The following KALRN variants were observed in gnomAD, a reference collection of about 807,000 sequenced individuals.
The protein encoded by KALRN is kalirin.
In KALRN, 70 loss-of-function variants were observed where a neutral mutation model predicts 353.7. The observed-to-expected ratio is 0.20, with a 90% CI of 0.16 to 0.24. The LOEUF is 0.24. Among genes scored for constraint, KALRN ranks in the 10% least tolerant of loss-of-function variants. The pLI is 1.00. For missense variants in KALRN, 2,791 were observed against 3,756.7 expected (o/e 0.74, Z 6.72); for synonymous variants, 1,391 against 1,434.8 (o/e 0.97, Z 0.69).
intron 11 of KALRN, among the ~76,000 whole-genome samples, chr3:124,394,209 T>C (rs2089868678): frequency 6.6e-6 from 1 of 152,216 alleles, no homozygotes; most frequent in South Asian, 2.1e-4. Context: ...CATCTATCAA[T>C]TTTCTCTCTC....
chr3:124,148,463 T>C (rs949505126), intron 1 of KALRN, among the ~76,000 whole-genome samples: 1 of 152,208 alleles, frequency 6.6e-6, no homozygotes, highest in Admixed American at 6.5e-5. Flanking sequence ...CCCCTTCTCT[T>C]AGTGTTTCTG....
In KALRN at chr3:124,632,421, T is replaced by C; in HGVS notation, c.5184T>C (p.Asp1728=). ...GCTGTGTCTGTCCGTTTTCCTCAGATGCATACTCTCATTCCTCAAGCGAGA... is the reference window on the plus strand; with the variant it reads ...GCTGTGTCTGTCCGTTTTCCTCAGACGCATACTCTCATTCCTCAAGCGAGA... The part of the protein sequence containing the change: ...EMDCFFPLVK[D]AYSHSSSENG... Residue 1728 remains aspartate, a splice_region_variant and synonymous_variant, in exon 35 of 60, where the codon GAT becomes GAC. Coordinates refer to ENST00000682506, the MANE Select transcript of KALRN (RefSeq NM_001388419.1). 6.2e-7 allele frequency: 1 copy of C among 1,613,874 alleles called. No homozygotes were observed. Among genetic ancestry groups the C allele is most frequent in the Non-Finnish European group, 8.5e-7 (1 of 1,179,838 alleles).
intron 1 of KALRN, among the ~76,000 whole-genome samples, chr3:124,133,584 A>G (rs764298886): frequency 6.6e-6 from 1 of 152,242 alleles, no homozygotes; most frequent in Non-Finnish European, 1.5e-5. Flanking sequence ...CTGTGATTGC[A>G]GACCCACTCC....
At chr3:124,150,572 CG>C in intron 1 of KALRN, among the ~76,000 whole-genome samples, 1 of 152,086 alleles carries the variant, frequency 6.6e-6, no homozygotes, top group East Asian at 1.9e-4. Context: ...AGAGAATAAT[CG>C]GGATAATTAG....
At chr3:124,462,281 A>G (rs1158477293) in intron 24 of KALRN, among the ~76,000 whole-genome samples, 1 of 152,212 alleles carries the variant, frequency 6.6e-6, no homozygotes, top group Non-Finnish European at 1.5e-5. Context: ...ACCCCCATAA[A>G]AGTCCACACA....
chr3:124,071,777 T>A (rs908338984), intron 1 of KALRN, among the ~76,000 whole-genome samples: 1 of 152,146 alleles, frequency 6.6e-6, no homozygotes, highest in Admixed American at 6.5e-5. Flanking sequence ...AGTTTCAACA[T>A]CTAAATTTTG....
chr3:124,495,602 A>T (rs1057000490), intron 32 of KALRN, among the ~76,000 whole-genome samples: 82 of 151,614 alleles, frequency 5.4e-4, no homozygotes, highest in African/African-American at 1.9e-3. Flanking sequence ...GCTGGGCATG[A>T]TGGCAGGCAC....
chr3:124,498,875 G>C (rs1206338729), intron 33 of KALRN, among the ~76,000 whole-genome samples: 1 of 151,818 alleles, frequency 6.6e-6, no homozygotes, highest in Non-Finnish European at 1.5e-5. Context: ...AGCAGTGTCA[G>C]ATTTTCCCCT....
At chr3:124,258,738 A>G (rs926164274) in intron 3 of KALRN, among the ~76,000 whole-genome samples, 9 of 152,334 alleles carry the variant, frequency 5.9e-5, no homozygotes, top group East Asian at 1.9e-4. Flanking sequence ...CTTCCAGACC[A>G]TATATCAAAT....
chr3:124,124,921 A>G (rs2064460342), intron 1 of KALRN, among the ~76,000 whole-genome samples: 1 of 152,184 alleles, frequency 6.6e-6, no homozygotes, highest in Admixed American at 6.5e-5. Context: ...GACTCACTTT[A>G]TTGTGGTGGT....
rs2092846718 is a variant in KALRN, at chr3:124,422,936, G to T, written c.2667G>T (p.Glu889Asp). 3 of 1,613,696 alleles carry T rather than the reference G, an allele frequency of 1.9e-6. No individual in the cohort carries two copies. Among genetic ancestry groups the T allele is most frequent in the Non-Finnish European group, 2.5e-6 (3 of 1,179,778 alleles). ...CAGAGCAGACTCATAAGCGGCTAGA[G>T]CAGTGCCTCCAATTACGTCACCTCC... ...LNAEQTHKRL[E>D]QCLQLRHLQA... The change falls in exon 15 of 60, where the codon GAG becomes GAT. Residue 889 changes from glutamate to aspartate, a missense_variant. This residue lies in a region of KALRN where 452 missense variants were observed against 575.8 expected (regional missense o/e 0.78). Coordinates refer to ENST00000682506, the MANE Select transcript of KALRN (RefSeq NM_001388419.1).
intron 34 of KALRN, among the ~76,000 whole-genome samples, chr3:124,610,581 T>C (rs187954088): frequency 6.6e-6 from 1 of 152,058 alleles, no homozygotes; most frequent in East Asian, 1.9e-4. Context: ...GGGCTCTGGA[T>C]TGGTGGGTTT....
chr3:124,122,354 G>A (rs1046656244), intron 1 of KALRN, among the ~76,000 whole-genome samples: 1 of 152,000 alleles, frequency 6.6e-6, no homozygotes, highest in Non-Finnish European at 1.5e-5. Context: ...TTCTTGGTGG[G>A]CATTTTTATA....
intron 6 of KALRN, among the ~76,000 whole-genome samples, chr3:124,311,092 T>TTTTTTTTTA: frequency 7.7e-6 from 1 of 129,324 alleles, no homozygotes; most frequent in African/African-American, 2.9e-5. Flanking sequence ...TTTTTTTTTT[T>TTTTTTTTTA]GAGATGGAGT....
intron 34 of KALRN, among the ~76,000 whole-genome samples, chr3:124,606,061 C>T (rs976126815): frequency 6.6e-6 from 1 of 152,154 alleles, no homozygotes; most frequent in African/African-American, 2.4e-5. Flanking sequence ...CTGATTTATC[C>T]CCATCATGAA....
intron 1 of KALRN, among the ~76,000 whole-genome samples, chr3:124,200,563 G>A (rs577406315): frequency 7.9e-5 from 12 of 152,106 alleles, no homozygotes; most frequent in Non-Finnish European, 1.5e-4. Context: ...ATACCATCAC[G>A]TCGTACTTAG....
At position 124,472,129 on chromosome 3, in the gene KALRN, G is replaced by A. The variant is rs79192139; in HGVS notation, c.4032-2534G>A. 6.6e-3 allele frequency among the ~76,000 whole-genome samples: 1,007 copies of A among 152,208 alleles called. 12 individuals are homozygous for A. Among genetic ancestry groups the A allele is most frequent in the African/African-American group, 0.022 (910 of 41,510 alleles). On this transcript the variant is annotated intron_variant, in intron 25 of 59. Coordinates refer to ENST00000682506, the MANE Select transcript of KALRN (RefSeq NM_001388419.1). ...GGTAGCTGCTATCACAAAAGTCAGG[G>A]TGTTGCTCTATTGAAATTGATCAGA... is the stretch of plus-strand genomic sequence containing the variant.
chr3:124,568,245 A>G (rs1350216821), intron 34 of KALRN, among the ~76,000 whole-genome samples: 1 of 152,268 alleles, frequency 6.6e-6, no homozygotes, highest in East Asian at 1.9e-4. Flanking sequence ...AAGTACATGA[A>G]AAGATATTCA....
intron 1 of KALRN, among the ~76,000 whole-genome samples, chr3:124,143,609 G>A (rs2066907532): frequency 6.6e-6 from 1 of 152,184 alleles, no homozygotes; most frequent in African/African-American, 2.4e-5. Flanking sequence ...TAGGAAACAA[G>A]GGTGCCCAAA....
Sources: gnomAD v4.1 joint callset for allele counts (sites outside exome capture counted in the v4.1 genomes callset) on GRCh38, gnomAD v4.1.1 for gene constraint, gnomAD v4.1.1 regional missense constraint, MANE v1.5 for transcripts, NCBI Gene and HGNC (gene_info 2026-07-23, HGNC 2026-07-21) for gene names.